Variants in DPP10 observed in about 807,000 individuals in gnomAD.
DPP10 encodes dipeptidyl peptidase like 10, also known as inactive dipeptidyl peptidase 10.
In DPP10, 33 loss-of-function variants were observed where a neutral mutation model predicts 120.9. The observed-to-expected ratio is 0.27, with a 90% CI of 0.21 to 0.37. The LOEUF (loss-of-function observed/expected upper bound fraction) is 0.37. DPP10 is among the 10% of genes least tolerant of loss of function. DPP10 has a pLI of 1.00. For synonymous variants in DPP10, 337 were observed against 326.1 expected (o/e 1.03, Z -0.36); for missense variants, 816 against 942.8 (o/e 0.87, Z 1.76).
At chr2:114,966,025 A>C (rs1699010463) in intron 1 of DPP10, among the ~76,000 whole-genome samples, 1 of 152,010 alleles carries the variant, frequency 6.6e-6, no homozygotes, top group South Asian at 2.1e-4. Flanking sequence ...AGGAACAAGC[A>C]AAGAAAACCA....
At chr2:114,912,689 C>T (rs1694458045) in intron 1 of DPP10, among the ~76,000 whole-genome samples, 1 of 152,114 alleles carries the variant, frequency 6.6e-6, no homozygotes, top group South Asian at 2.1e-4. Context: ...TGCTGAGCAC[C>T]AGGACTCATT....
intron 1 of DPP10, among the ~76,000 whole-genome samples, chr2:115,290,306 G>A (rs2060600500): frequency 6.6e-6 from 1 of 152,066 alleles, no homozygotes; most frequent in Non-Finnish European, 1.5e-5. Flanking sequence ...AAAATTATAA[G>A]TTAGCTTTCA....
intron 4 of DPP10, among the ~76,000 whole-genome samples, chr2:115,521,609 T>G (rs2077815927): frequency 6.6e-6 from 1 of 151,842 alleles, no homozygotes; most frequent in Non-Finnish European, 1.5e-5. Context: ...ATCCTTATTT[T>G]TTTTTTTTTG....
intron 1 of DPP10, among the ~76,000 whole-genome samples, chr2:114,655,169 G>A (rs1193150193): frequency 6.6e-6 from 1 of 152,152 alleles, no homozygotes; most frequent in Non-Finnish European, 1.5e-5. Flanking sequence ...GCACTTAAAT[G>A]TTGGTTGCTA....
At chr2:115,483,653 C>G (rs2075584297) in intron 3 of DPP10, among the ~76,000 whole-genome samples, 1 of 151,962 alleles carries the variant, frequency 6.6e-6, no homozygotes, top group Non-Finnish European at 1.5e-5. Flanking sequence ...AGAAAACAAC[C>G]ACAGCAATAA....
At chr2:115,695,876 A>C (rs187007300) in intron 7 of DPP10, among the ~76,000 whole-genome samples, 1 of 152,316 alleles carries the variant, frequency 6.6e-6, no homozygotes, top group African/African-American at 2.4e-5. Context: ...TGATGTATGA[A>C]CAAAATGGAA....
intron 1 of DPP10, among the ~76,000 whole-genome samples, chr2:114,857,210 A>G: frequency 6.6e-6 from 1 of 152,232 alleles, no homozygotes; most frequent in Non-Finnish European, 1.5e-5. Flanking sequence ...CTAAATTGAT[A>G]AAAGATCAAG....
chr2:115,202,689 C>T (rs1427871546), intron 1 of DPP10, among the ~76,000 whole-genome samples: 4 of 152,150 alleles, frequency 2.6e-5, no homozygotes, highest in Admixed American at 2.6e-4. Context: ...ATAGCACTTT[C>T]TGTGATGAGT....
At chr2:115,665,013 T>C (rs996680763) in intron 5 of DPP10, among the ~76,000 whole-genome samples, 3 of 152,172 alleles carry the variant, frequency 2.0e-5, no homozygotes, top group Non-Finnish European at 2.9e-5. Flanking sequence ...ATTTATATCA[T>C]TGAGGGAAGT....
chr2:115,548,041 T>C (rs1401336791), intron 5 of DPP10, among the ~76,000 whole-genome samples: 1 of 152,058 alleles, frequency 6.6e-6, no homozygotes, highest in Non-Finnish European at 1.5e-5. Flanking sequence ...AGAAGAAAAC[T>C]AACAAGAAAT....
At chr2:115,346,304 G>A (rs902575901) in intron 3 of DPP10, among the ~76,000 whole-genome samples, 12 of 152,066 alleles carry the variant, frequency 7.9e-5, no homozygotes, top group Non-Finnish European at 1.5e-4. Context: ...TATCTCAACA[G>A]GTTTTCTTTG....
chr2:114,977,752 T>C lies in DPP10; in HGVS notation c.61-331487T>C, dbSNP rs572745778. Among the ~76,000 whole-genome samples, 18 of 152,344 alleles carry C rather than the reference T, an allele frequency of 1.2e-4. No homozygotes were observed. In the South Asian group the frequency reaches 2.5e-3, roughly 21 times the overall value. On this transcript the variant is annotated intron_variant, in intron 1 of 25. Coordinates refer to ENST00000410059, the MANE Select transcript of DPP10 (RefSeq NM_020868.6). ...TGGTTTACTTCTAGTATTCTTAATA[T>C]ATTTCTCTCCAAACTGGAGAAATAT...
At chr2:115,115,151 T>C (rs771021358) in intron 1 of DPP10, among the ~76,000 whole-genome samples, 2 of 152,066 alleles carry the variant, frequency 1.3e-5, no homozygotes, top group East Asian at 1.9e-4. Context: ...GGAGGTGTTA[T>C]AGAAAACGGT....
At chr2:115,698,068 C>G (rs1303656792) in intron 7 of DPP10, among the ~76,000 whole-genome samples, 1 of 152,152 alleles carries the variant, frequency 6.6e-6, no homozygotes, top group Non-Finnish European at 1.5e-5. Flanking sequence ...CAACAGCGTA[C>G]ACGTTCTTTC....
intron 3 of DPP10, among the ~76,000 whole-genome samples, chr2:115,410,327 G>T (rs1437907211): frequency 1.3e-5 from 2 of 152,186 alleles, no homozygotes; most frequent in Non-Finnish European, 2.9e-5. Flanking sequence ...CGCGCCCTTT[G>T]CAGGGACACG....
At chr2:115,695,331 G>T (rs1308381369) in intron 7 of DPP10, among the ~76,000 whole-genome samples, 1 of 152,130 alleles carries the variant, frequency 6.6e-6, no homozygotes, top group African/African-American at 2.4e-5. Flanking sequence ...CATGGGAAAT[G>T]GGAATGTATT....
chr2:114,809,788 G>A (rs766952028), intron 1 of DPP10, among the ~76,000 whole-genome samples: 2 of 152,160 alleles, frequency 1.3e-5, no homozygotes, highest in Non-Finnish European at 2.9e-5. Flanking sequence ...CTGCAGCAGG[G>A]TCTGAGAATC....
At chr2:114,825,596 G>C (rs1686454666) in intron 1 of DPP10, among the ~76,000 whole-genome samples, 1 of 152,168 alleles carries the variant, frequency 6.6e-6, no homozygotes, top group Non-Finnish European at 1.5e-5. Flanking sequence ...AAACCGAAAG[G>C]ATGCTCAATT....
chr2:115,348,240 T>C (rs2063808839), intron 3 of DPP10, among the ~76,000 whole-genome samples: 2 of 152,138 alleles, frequency 1.3e-5, no homozygotes, highest in Admixed American at 6.6e-5. Context: ...TACAATAATA[T>C]GTTTATTTCC....
Sources: gnomAD v4.1 joint callset for allele counts (sites outside exome capture counted in the v4.1 genomes callset) on GRCh38, gnomAD v4.1.1 for gene constraint, MANE v1.5 for transcripts, NCBI Gene and HGNC (gene_info 2026-07-23, HGNC 2026-07-21) for gene names.